Variants in WHR1 observed in about 807,000 individuals in gnomAD.
The protein encoded by WHR1 is MHC class III HLA-RP1.
chr6:31,971,721 G>A, the WHR1 span: 1 of 1,540,406 alleles, frequency 6.5e-7, no homozygotes, highest in South Asian at 1.2e-5. The surrounding 1 kb of genome is among the most constrained non-coding windows in gnomAD (Gnocchi z 4.5). Flanking sequence ...TTCTACAGAG[G>A]AGGCCTGGAG....
At chr6:31,971,809 C>T in the WHR1 span, 1 of 1,316,252 alleles carries the variant, frequency 7.6e-7, no homozygotes, top group Non-Finnish European at 1.0e-6. This position sits in a 1 kb window ranked among gnomAD's most constrained non-coding sequence, Gnocchi z 4.5. Context: ...CCCTCAGACG[C>T]CACCGCGGCC....
chr6:31,973,970 A>G, the WHR1 span, among the ~76,000 whole-genome samples: 2 of 152,132 alleles, frequency 1.3e-5, no homozygotes, highest in African/African-American at 2.4e-5. Flanking sequence ...ACAGAGGCAG[A>G]GAGGGACTTG....
the WHR1 span, chr6:31,979,383 G>C: frequency 6.2e-7 from 1 of 1,612,018 alleles, no homozygotes; most frequent in Non-Finnish European, 8.5e-7. Context: ...TGAGGGTGGG[G>C]ATGGACCATG....
chr6:31,976,637 G>A, the WHR1 span, among the ~76,000 whole-genome samples: 1,442 of 152,302 alleles, frequency 9.5e-3, 26 homozygotes, highest in African/African-American at 0.033. Context: ...CTTCCCAGAC[G>A]GGGTGGCGGC....
At chr6:31,971,508 A>G in the WHR1 span, 1 of 1,614,120 alleles carries the variant, frequency 6.2e-7, no homozygotes, top group South Asian at 1.1e-5. The surrounding 1 kb of genome is among the most constrained non-coding windows in gnomAD (Gnocchi z 4.5). Flanking sequence ...ACTGGCGTTG[A>G]GCATCCAGGG....
At chr6:31,979,984 C>T in the WHR1 span, 4 of 204,802 alleles carry the variant, frequency 2.0e-5, no homozygotes, top group Non-Finnish European at 4.0e-5. Context: ...TGGCTCAGGC[C>T]TCCTACTTTG....
the WHR1 span, among the ~76,000 whole-genome samples, chr6:31,977,963 G>C: frequency 6.6e-6 from 1 of 151,522 alleles, no homozygotes; most frequent in Non-Finnish European, 1.5e-5. Context: ...AATTTTTGTA[G>C]TTTTAGTAGA....
At chr6:31,979,655 A>G in the WHR1 span, 2 of 1,477,590 alleles carry the variant, frequency 1.4e-6, no homozygotes, top group East Asian at 2.3e-5. Flanking sequence ...AACCTGCCAG[A>G]AAAGCTGCCA....
At chr6:31,975,022 A>C in the WHR1 span, among the ~76,000 whole-genome samples, 1 of 152,180 alleles carries the variant, frequency 6.6e-6, no homozygotes, top group African/African-American at 2.4e-5. Context: ...TTGCAGAATG[A>C]AAATATAAAC....
the WHR1 span, chr6:31,979,310 G>T: frequency 6.7e-7 from 1 of 1,495,130 alleles, no homozygotes; most frequent in Non-Finnish European, 9.1e-7. Flanking sequence ...GAGGTGGAAG[G>T]ATCTGAGCAA....
the WHR1 span, chr6:31,972,382 C>G: frequency 1.1e-4 from 170 of 1,612,978 alleles, no homozygotes; most frequent in Non-Finnish European, 1.4e-4. This position sits in a 1 kb window ranked among gnomAD's most constrained non-coding sequence, Gnocchi z 6.3. Context: ...CCATTCCTAC[C>G]CCTTCCCCGG....
chr6:31,976,913 G>A, the WHR1 span, among the ~76,000 whole-genome samples: 4 of 152,252 alleles, frequency 2.6e-5, no homozygotes, highest in South Asian at 4.1e-4. Flanking sequence ...GCGTGGCGGC[G>A]CGCGCCTGCA....
At chr6:31,972,534 T>TG in the WHR1 span, 1 of 1,597,104 alleles carries the variant, frequency 6.3e-7, no homozygotes, top group Non-Finnish European at 8.6e-7. The surrounding 1 kb of genome is among the most constrained non-coding windows in gnomAD (Gnocchi z 6.3). Flanking sequence ...ACCCCGGGGG[T>TG]GGGGCCTCGC....
chr6:31,979,630 C>T, the WHR1 span: 17 of 1,545,252 alleles, frequency 1.1e-5, no homozygotes, highest in African/African-American at 1.4e-5. Flanking sequence ...AGCCTGTCCT[C>T]CTGTTTTTTT....
At chr6:31,972,266 A>G in the WHR1 span, 1 of 1,613,136 alleles carries the variant, frequency 6.2e-7, no homozygotes, top group Non-Finnish European at 8.5e-7. This position sits in a 1 kb window ranked among gnomAD's most constrained non-coding sequence, Gnocchi z 6.3. Context: ...CTGAGGGACG[A>G]CAAGTTGACG....
chr6:31,981,026 C>T, the WHR1 span: 9 of 506,974 alleles, frequency 1.8e-5, no homozygotes, highest in Admixed American at 4.2e-5. Flanking sequence ...TTCAGGAACC[C>T]TCCTCCGCCT....
chr6:31,979,243 AG>A, the WHR1 span, among the ~76,000 whole-genome samples: 8 of 52,924 alleles, frequency 1.5e-4, no homozygotes, highest in East Asian at 7.5e-4. Flanking sequence ...GGGGAGGAGG[AG>A]GGGGGGAGGA....
chr6:31,971,361 G>GT, the WHR1 span: 1 of 1,559,946 alleles, frequency 6.4e-7, no homozygotes, highest in Non-Finnish European at 8.7e-7. The surrounding 1 kb of genome is among the most constrained non-coding windows in gnomAD (Gnocchi z 4.5). Context: ...AGCACAGCAG[G>GT]TGGTCCAGCC....
At chr6:31,972,036 C>T in the WHR1 span, 12 of 1,611,050 alleles carry the variant, frequency 7.4e-6, no homozygotes, top group Non-Finnish European at 1.0e-5. The surrounding 1 kb of genome is among the most constrained non-coding windows in gnomAD (Gnocchi z 6.3). Context: ...TGCAATCATT[C>T]AGCGACAGTG....
Sources: gnomAD v4.1 joint callset for allele counts (sites outside exome capture counted in the v4.1 genomes callset) on GRCh38, gnomAD v4.1.1 for gene constraint, Gnocchi (gnomAD v3.1) non-coding constraint, MANE v1.5 for transcripts, NCBI Gene and HGNC (gene_info 2026-07-23, HGNC 2026-07-21) for gene names.